XKR6: variants seen among roughly 807,000 people sequenced by gnomAD.
XKR6 encodes the protein XK-related protein 6.
In XKR6, 22 loss-of-function variants were observed where a neutral mutation model predicts 56.7. The ratio of observed to expected loss-of-function variants is 0.39; its 90% CI spans 0.28 to 0.55. XKR6 has a LOEUF of 0.55. Ranked by LOEUF, XKR6 falls within the 20% of genes least tolerant of loss-of-function variation. The pLI, the probability that XKR6 is intolerant of heterozygous loss-of-function variation, is 0.66. For synonymous variants in XKR6, 524 were observed against 387.8 expected (o/e 1.35, Z -4.13); for missense variants, 852 against 889.0 (o/e 0.96, Z 0.53).
intron 1 of XKR6, among the ~76,000 whole-genome samples, chr8:11,171,649 T>C (rs932818618): frequency 6.6e-6 from 1 of 152,212 alleles, no homozygotes; most frequent in African/African-American, 2.4e-5. Flanking sequence ...CTTAGCCTTC[T>C]GCCATGAGTG....
chr8:11,197,573 G>C (rs1459118006), intron 1 of XKR6, among the ~76,000 whole-genome samples: 2 of 152,166 alleles, frequency 1.3e-5, no homozygotes, highest in African/African-American at 4.8e-5. Context: ...GAAAAATAAA[G>C]CACATCAAGC....
chr8:11,108,093 C>G (rs761508440), intron 1 of XKR6: 13 of 333,082 alleles, frequency 3.9e-5, no homozygotes, highest in Non-Finnish European at 5.2e-5. Context: ...AATCCCAGAT[C>G]CGAAAACAGA....
At chr8:11,043,257 T>G (rs1424114432) in intron 1 of XKR6, among the ~76,000 whole-genome samples, 1 of 151,448 alleles carries the variant, frequency 6.6e-6, no homozygotes, top group Non-Finnish European at 1.5e-5. Flanking sequence ...GCGTGAGCAC[T>G]CAAACACTGG....
chr8:10,912,374 T>G (rs1163254001), intron 2 of XKR6, among the ~76,000 whole-genome samples: 3 of 127,388 alleles, frequency 2.4e-5, no homozygotes, highest in East Asian at 2.5e-4. Context: ...TGATTATATA[T>G]AGAGAGAAGG....
chr8:10,972,714 G>A (rs1416519026), intron 1 of XKR6, among the ~76,000 whole-genome samples: 1 of 152,158 alleles, frequency 6.6e-6, no homozygotes, highest in Non-Finnish European at 1.5e-5. Flanking sequence ...GAAAAGTGGG[G>A]ACTGGGGAGT....
intron 1 of XKR6, among the ~76,000 whole-genome samples, chr8:11,094,733 C>T (rs373316892): frequency 2.0e-5 from 3 of 152,134 alleles, no homozygotes; most frequent in Admixed American, 6.5e-5. Context: ...GTGGCATCAA[C>T]GTCAGCATTG....
At chr8:10,910,903 A>AG (rs1800334055) in intron 2 of XKR6, among the ~76,000 whole-genome samples, 1 of 152,178 alleles carries the variant, frequency 6.6e-6, no homozygotes, top group Non-Finnish European at 1.5e-5. Context: ...GCTGGCCTGG[A>AG]GCAAACTGTG....
At position 11,014,023 on chromosome 8, in the gene XKR6, C is replaced by G. The variant is rs142386267; in HGVS notation, c.765-89193G>C. Among the ~76,000 whole-genome samples, 560 of 152,334 alleles carry G rather than the reference C, an allele frequency of 3.7e-3. 2 individuals carry two copies. Among genetic ancestry groups the G allele is most frequent in the Middle Eastern group, 0.014 (4 of 294 alleles). On this transcript the variant is annotated intron_variant, in intron 1 of 2. Transcript: ENST00000416569. The stretch of plus-strand genomic sequence containing the variant: ...GCCTTTACTCGCACGGCAGACAGGC[C>G]TAACGGGCCAGAAGGGATTTGTTAG...
intron 2 of XKR6, among the ~76,000 whole-genome samples, chr8:10,904,830 C>A (rs1800140644): frequency 1.3e-5 from 2 of 152,186 alleles, no homozygotes; most frequent in Admixed American, 1.3e-4. Flanking sequence ...TGCCCCTGAG[C>A]CAGAGCTGGG....
intron 1 of XKR6, among the ~76,000 whole-genome samples, chr8:10,954,105 A>T (rs947235123): frequency 6.6e-6 from 1 of 152,258 alleles, no homozygotes; most frequent in Non-Finnish European, 1.5e-5. Context: ...GGCTATTATG[A>T]GTAATGCTGC....
chr8:11,147,021 A>C (rs1002937230), intron 1 of XKR6, among the ~76,000 whole-genome samples: 2 of 152,084 alleles, frequency 1.3e-5, no homozygotes, highest in Non-Finnish European at 2.9e-5. Flanking sequence ...GCCTGAAGCT[A>C]ACAATACTGT....
intron 1 of XKR6, among the ~76,000 whole-genome samples, chr8:11,199,895 A>T (rs2117169816): frequency 6.6e-6 from 1 of 151,934 alleles, no homozygotes; most frequent in African/African-American, 2.4e-5. Context: ...GAGAGTTAAC[A>T]CCAAACGCTC....
intron 2 of XKR6, among the ~76,000 whole-genome samples, chr8:10,915,886 T>C (rs1800549959): frequency 6.6e-6 from 1 of 152,214 alleles, no homozygotes; most frequent in South Asian, 2.1e-4. Context: ...CAGCTGTGGA[T>C]GAAGATGCGA....
chr8:10,967,646 G>T (rs555326018), intron 1 of XKR6, among the ~76,000 whole-genome samples: 4 of 152,214 alleles, frequency 2.6e-5, no homozygotes, highest in Non-Finnish European at 4.4e-5. Flanking sequence ...AGGTGGGGAG[G>T]GTTGTCCTGG....
At chr8:10,933,939 T>C (rs1586323172) in intron 1 of XKR6, among the ~76,000 whole-genome samples, 1 of 64,464 alleles carries the variant, frequency 1.6e-5, no homozygotes, top group East Asian at 2.2e-4. Flanking sequence ...GTGAAGAAAG[T>C]CATTGGTAGC....
intron 1 of XKR6, among the ~76,000 whole-genome samples, chr8:11,083,236 G>A (rs975575099): frequency 1.3e-5 from 2 of 152,146 alleles, no homozygotes; most frequent in South Asian, 2.1e-4. Context: ...TCACCTAGTC[G>A]CACCACTTGG....
At chr8:11,008,615 C>A (rs1798428555) in intron 1 of XKR6, among the ~76,000 whole-genome samples, 1 of 151,860 alleles carries the variant, frequency 6.6e-6, no homozygotes, top group Non-Finnish European at 1.5e-5. Flanking sequence ...ACATACGACC[C>A]CATTACCCAG....
intron 1 of XKR6, among the ~76,000 whole-genome samples, chr8:11,042,742 T>A (rs1281559494): frequency 1.3e-5 from 2 of 152,230 alleles, no homozygotes; most frequent in African/African-American, 4.8e-5. Context: ...GCTTCAGATT[T>A]TGGAGCATTT....
intron 1 of XKR6, among the ~76,000 whole-genome samples, chr8:11,116,841 GACA>G (rs1356095283): frequency 9.2e-5 from 14 of 152,082 alleles, no homozygotes; most frequent in African/African-American, 3.4e-4. Flanking sequence ...GGTTACAGTC[GACA>G]ACAACTGCGA....
Sources: gnomAD v4.1 joint callset for allele counts (sites outside exome capture counted in the v4.1 genomes callset) on GRCh38, gnomAD v4.1.1 for gene constraint, MANE v1.5 for transcripts, NCBI Gene and HGNC (gene_info 2026-07-23, HGNC 2026-07-21) for gene names.